Variants in LIMK2 observed in about 807,000 individuals in gnomAD.
LIMK2 encodes LIM domain kinase 2.
In LIMK2, 35 loss-of-function variants were observed where a neutral mutation model predicts 75.7. The observed-to-expected ratio is 0.46, with a 90% confidence interval of 0.35 to 0.61. The LOEUF (loss-of-function observed/expected upper bound fraction) is 0.61, where lower values mean the gene tolerates loss of function less well. Ranked by LOEUF, LIMK2 falls within the 20% of genes least tolerant of loss-of-function variation. The pLI is 0.00. For synonymous variants in LIMK2, 301 were observed against 319.2 expected, an observed-to-expected ratio of 0.94 and a Z score of 0.61; for missense variants, 623 against 831.0, an observed-to-expected ratio of 0.75 and a Z score of 3.08.
intron 2 of LIMK2, among the ~76,000 whole-genome samples, chr22:31,237,786 T>A (rs2048591910): frequency 6.6e-6 from 1 of 151,866 alleles, no homozygotes; most frequent in South Asian, 2.1e-4. Context: ...AAGTAGTTAT[T>A]TTTTTCAATT....
At chr22:31,250,986 T>TGA in intron 2 of LIMK2, among the ~76,000 whole-genome samples, 1 of 152,104 alleles carries the variant, frequency 6.6e-6, no homozygotes, top group Non-Finnish European at 1.5e-5. Flanking sequence ...GCGTGACATG[T>TGA]GAGGGAGGAA....
intron 15 of LIMK2, among the ~76,000 whole-genome samples, chr22:31,278,047 G>A (rs537284384): frequency 7.6e-4 from 115 of 152,248 alleles, no homozygotes; most frequent in African/African-American, 2.6e-3. Flanking sequence ...ATATGGGAGG[G>A]AAGTTTTTCT....
rs1601390083 is a variant in LIMK2, at chr22:31,212,313, A to AGGC, written c.-86_-84dup. On this transcript the variant is annotated 5_prime_UTR_variant, in exon 1 of 16. Coordinates refer to ENST00000331728, the MANE Select transcript of LIMK2 (RefSeq NM_005569.4). ...TGGGGCTGTGGTCTTCCCGCGCCTG[A>AGGC]GGCGGCGGCGGCAGGAGCTGAGGGG... is the stretch of plus-strand genomic sequence containing the variant. 23 of 1,246,300 alleles carry AGGC rather than the reference A, an allele frequency of 1.8e-5. No homozygotes were observed. In the East Asian group the frequency reaches 2.0e-4, roughly 11 times the overall value. The allele number at this position is 1,246,300 out of a possible 1,614,324, so 77.2% of individuals were successfully genotyped here.
At chr22:31,250,671 G>C (rs1448614029) in intron 2 of LIMK2, among the ~76,000 whole-genome samples, 1 of 152,144 alleles carries the variant, frequency 6.6e-6, no homozygotes, top group East Asian at 1.9e-4. Context: ...GGACCACCCA[G>C]ACCCTCTGCT....
At chr22:31,231,162 C>T (rs1471300144) in intron 2 of LIMK2, among the ~76,000 whole-genome samples, 1 of 152,226 alleles carries the variant, frequency 6.6e-6, no homozygotes, top group African/African-American at 2.4e-5. Context: ...CACTGAGGCT[C>T]AGTTTCCTCT....
At chr22:31,268,379 A>G (rs1358274270) in intron 11 of LIMK2, among the ~76,000 whole-genome samples, 179 bp downstream of exon 11, 1 of 152,222 alleles carries the variant, frequency 6.6e-6, no homozygotes, top group Non-Finnish European at 1.5e-5. Flanking sequence ...CTCAGTTCAC[A>G]GCCCTGTTTT....
At chr22:31,244,124 G>C (rs1471792350) in intron 2 of LIMK2, among the ~76,000 whole-genome samples, 1 of 152,200 alleles carries the variant, frequency 6.6e-6, no homozygotes, top group Non-Finnish European at 1.5e-5. Flanking sequence ...AGAGGAGTAG[G>C]GGGAGAGGAG....
At chr22:31,250,720 A>C (rs2048717043) in intron 2 of LIMK2, among the ~76,000 whole-genome samples, 1 of 152,068 alleles carries the variant, frequency 6.6e-6, no homozygotes, top group Admixed American at 6.6e-5. Context: ...CCTGGTCAGA[A>C]AGCTGTTTCT....
intron 5 of LIMK2, among the ~76,000 whole-genome samples, chr22:31,260,718 T>C (rs569209849): frequency 1.3e-5 from 2 of 152,326 alleles, no homozygotes; most frequent in South Asian, 2.1e-4. Context: ...TACTAGAGTT[T>C]GGGAAGTCAG....
At chr22:31,250,968 A>G (rs1201597433) in intron 2 of LIMK2, among the ~76,000 whole-genome samples, 3 of 152,224 alleles carry the variant, frequency 2.0e-5, no homozygotes, top group South Asian at 4.1e-4. Context: ...CCATGGGGAC[A>G]TGATCAGGCG....
chr22:31,231,200 C>T (rs1475962743), intron 2 of LIMK2, among the ~76,000 whole-genome samples: 1 of 152,198 alleles, frequency 6.6e-6, no homozygotes, highest in African/African-American at 2.4e-5. Context: ...AGAGCCCTCA[C>T]CCTGCCTGCC....
chr22:31,272,758 C>T lies in LIMK2; in HGVS notation c.1558+54C>T, dbSNP rs146984577. 647 of 1,524,756 alleles carry T rather than the reference C, an allele frequency of 4.2e-4. 7 individuals are homozygous for T. The African/African-American group carries it at 8.3e-3, about 20-fold the overall frequency. The allele number at this position is 1,524,756 out of a possible 1,614,324, so 94.5% of individuals were successfully genotyped here. A position where few individuals can be genotyped will look rare whatever the true frequency, so the allele number is the denominator to read the frequency against. On this transcript the variant is annotated intron_variant, in intron 13 of 15. Coordinates refer to ENST00000331728, the MANE Select transcript of LIMK2 (RefSeq NM_005569.4). ...CCGCAGAGGGAGGACAGATGCTGCC[C>T]TTGCATCAGAGCCCTGGGAATTCCA...
At chr22:31,259,367 C>G (rs2045670125) in intron 4 of LIMK2, 137 bp downstream of exon 4, 1 of 618,090 alleles carries the variant, frequency 1.6e-6, no homozygotes. Context: ...TGCTCTTAAC[C>G]AGCTCTTTAA....
intron 2 of LIMK2, among the ~76,000 whole-genome samples, chr22:31,245,285 C>T (rs1482171912): frequency 2.0e-5 from 3 of 151,996 alleles, no homozygotes; most frequent in South Asian, 2.1e-4. Flanking sequence ...TATTTTAATA[C>T]GGCCTGTGAT....
chr22:31,272,393 A>C, intron 12 of LIMK2, 137 bp from the exon 13 acceptor site: 1 of 810,826 alleles, frequency 1.2e-6, no homozygotes, highest in Non-Finnish European at 1.9e-6. Flanking sequence ...TCTATTTGAT[A>C]GAGCTTTCTG....
At chr22:31,259,066 G>A in intron 3 of LIMK2, 55 bp from the exon 4 acceptor site, 1 of 1,051,534 alleles carries the variant, frequency 9.5e-7, no homozygotes, top group Non-Finnish European at 1.5e-6. Context: ...TCCAGCAACA[G>A]TGATAACTCA....
At chr22:31,226,839 A>C (rs1204664636) in intron 2 of LIMK2, among the ~76,000 whole-genome samples, 2 of 152,064 alleles carry the variant, frequency 1.3e-5, no homozygotes, top group Admixed American at 6.6e-5. Context: ...CAAACTCCTG[A>C]CCTCAGGTGA....
intron 15 of LIMK2, chr22:31,276,852 C>T (rs747485236): frequency 6.2e-7 from 1 of 1,612,094 alleles, no homozygotes; most frequent in Non-Finnish European, 8.5e-7. Context: ...CAGTGAGGCG[C>T]CAAGGGAAGG....
chr22:31,260,046 T>C lies in LIMK2; in HGVS notation c.520T>C (p.Ser174Pro), dbSNP rs1256338338. 1 of 1,600,350 alleles carries C rather than the reference T, an allele frequency of 6.2e-7. No individual in the cohort carries two copies. The highest frequency in any genetic ancestry group is 8.5e-7 in the Non-Finnish European group (1 of 1,175,568). Residue 174 changes from serine (S) to proline (P), a missense_variant, in exon 5 of 16, where the codon TCC (serine) becomes CCC (proline). This residue lies in a region of LIMK2 where 514 missense variants were observed against 661.3 expected (regional missense o/e 0.78). Transcript: ENST00000331728. ...CTCCGTGTCCGTGGAGAGTGCCTGCTCCAACTACGCCACCACTGTGCAAGT... is the reference window on the plus strand; with the variant it reads ...CTCCGTGTCCGTGGAGAGTGCCTGCCCCAACTACGCCACCACTGTGCAAGT... Reference protein sequence around the residue: ...GFSVSVESACSNYATTVQVKE... With the variant: ...GFSVSVESACPNYATTVQVKE...
Sources: allele counts gnomAD v4.1 joint callset (sites outside exome capture counted in the v4.1 genomes callset), GRCh38; gene constraint gnomAD v4.1.1; regional missense constraint gnomAD v4.1.1; transcripts MANE v1.5; gene names NCBI Gene and HGNC (gene_info 2026-07-23, HGNC 2026-07-21).